Variants in CD300A observed in about 807,000 individuals in gnomAD.
The protein encoded by CD300A is CD300a molecule, also known as CMRF35-like molecule 8.
CD300A carries 22 observed loss-of-function variants against 33.6 expected under a neutral mutation model. That is an observed-to-expected ratio of 0.66 (90% CI 0.47 to 0.94). The LOEUF (loss-of-function observed/expected upper bound fraction) is 0.94. Among genes scored for constraint, CD300A ranks in the 40% least tolerant of loss-of-function variants. The probability of loss-of-function intolerance (pLI) is 0.00; values close to 1 mark genes in which losing one functional copy is unlikely to be tolerated. For missense variants in CD300A, 326 were observed against 360.5 expected, an observed-to-expected ratio of 0.90 and a Z score of 0.77; for synonymous variants, 136 against 148.1, an observed-to-expected ratio of 0.92 and a Z score of 0.59.
rs67018651 is a variant in CD300A, at chr17:74,480,738, CCTTT to C, written c.629-538_629-535del. On this transcript the variant is annotated intron_variant, in intron 4 of 6. Coordinates refer to ENST00000360141, the MANE Select transcript of CD300A (RefSeq NM_007261.4). The surrounding 1 kb of genome is among the most constrained non-coding windows in gnomAD (Gnocchi z 4.2). ...TCTCCTCCAGCTGGGAGCTTTCTTT[CCTTT>C]CTTTCTTTCTTTTTTTCGTTTTTGA... Among the ~76,000 whole-genome samples the C allele has an allele frequency of 0.34, 51,784 of 151,614 alleles. 9,385 individuals are homozygous for C. The highest frequency in any genetic ancestry group is 0.59 in the East Asian group (3,001 of 5,106).
chr17:74,466,894 A>G, intron 1 of CD300A, 151 bp downstream of exon 1: 1 of 1,490,278 alleles, frequency 6.7e-7, no homozygotes, highest in Non-Finnish European at 8.9e-7. Context: ...TAAGATGGAC[A>G]GATGAAGGTC....
Position 74,481,249 on chromosome 17 carries a change from G to A in CD300A, c.629-40G>A, listed in dbSNP as rs751126189. The A allele has an allele frequency of 1.9e-6, 3 of 1,607,464 alleles. No individual in the cohort carries two copies. The Admixed American group carries it at 5.0e-5, about 27-fold the overall frequency. ...TGTAAGGTCCTCCATCCTGGCCATTGTTCCGGGATTCAACCTCCTTCCTCT... is the reference window on the plus strand; with the variant it reads ...TGTAAGGTCCTCCATCCTGGCCATTATTCCGGGATTCAACCTCCTTCCTCT... On this transcript the variant is annotated intron_variant, in intron 4 of 6. Transcript: ENST00000360141.
chr17:74,476,692 G>A (rs560108168), intron 3 of CD300A, among the ~76,000 whole-genome samples: 20 of 152,152 alleles, frequency 1.3e-4, no homozygotes, highest in Non-Finnish European at 2.2e-4. Context: ...TATAAGCAAC[G>A]TTTACCATTG....
intron 1 of CD300A, chr17:74,470,248 T>C (rs1484994001): frequency 2.0e-6 from 2 of 984,696 alleles, no homozygotes; most frequent in Non-Finnish European, 2.4e-6. Context: ...TCCAGGTAAG[T>C]GGGGAAGTAA....
chr17:74,482,373 C>G (rs1335019490), intron 6 of CD300A, among the ~76,000 whole-genome samples: 2 of 151,754 alleles, frequency 1.3e-5, no homozygotes, highest in African/African-American at 2.4e-5. Context: ...CTTAAAGTGC[C>G]CCCAGGCCTG....
intron 6 of CD300A, among the ~76,000 whole-genome samples, chr17:74,483,694 T>C (rs9944466): frequency 0.25 from 37,251 of 151,976 alleles, 8,530 homozygotes; most frequent in African/African-American, 0.6. Flanking sequence ...AGAGGTGTCT[T>C]GGGGGAGCCC....
At chr17:74,469,212 T>A (rs2144501199) in intron 1 of CD300A, among the ~76,000 whole-genome samples, 1 of 152,102 alleles carries the variant, frequency 6.6e-6, no homozygotes, top group East Asian at 1.9e-4. Context: ...ATAACACTCA[T>A]CATTTTTGGT....
chr17:74,476,962 A>G (rs909480655), intron 3 of CD300A, among the ~76,000 whole-genome samples: 1 of 152,182 alleles, frequency 6.6e-6, no homozygotes, highest in Admixed American at 6.6e-5. Context: ...TCTTAAGAAC[A>G]GCACGTGTGT....
At chr17:74,470,118 G>GTAGA (rs1905996718) in intron 1 of CD300A, 3 of 985,256 alleles carry the variant, frequency 3.0e-6, no homozygotes, top group Non-Finnish European at 3.6e-6. Flanking sequence ...GAGGACCCTG[G>GTAGA]CCCCAAGGTG....
intron 1 of CD300A, among the ~76,000 whole-genome samples, chr17:74,468,985 G>C (rs1041741073): frequency 1.3e-5 from 2 of 152,132 alleles, no homozygotes; most frequent in African/African-American, 2.4e-5. Flanking sequence ...CAGCTATGAA[G>C]GAGGTGAACT....
At position 74,481,815 on chromosome 17, in the gene CD300A, G is replaced by A; in HGVS notation, c.756G>A (p.Glu252=). 1.9e-6 allele frequency: 3 copies of A among 1,611,744 alleles called. No homozygotes were observed. Among genetic ancestry groups the A allele is most frequent in the Middle Eastern group, 1.7e-4 (1 of 5,978 alleles). The change falls in exon 6 of 7, where the codon GAG becomes GAA. Residue 252 remains glutamate (E), a synonymous_variant. Coordinates refer to ENST00000360141, the MANE Select transcript of CD300A (RefSeq NM_007261.4). ...AGCCAGCACCACCAAGGGAGGTGGA[G>A]GTGGAATACAGCACTGTGGTAAGTG... ...QEKPAPPREV[E]VEYSTVASPR...
chr17:74,481,164 C>T, intron 4 of CD300A, 125 bp from the exon 5 acceptor site: 1 of 789,886 alleles, frequency 1.3e-6, no homozygotes, highest in Non-Finnish European at 2.2e-6. Context: ...ATGCTTCAGG[C>T]CTGAAGGGAT....
At chr17:74,474,424 C>A in intron 2 of CD300A, 108 bp from the exon 3 acceptor site, 2 of 1,135,450 alleles carry the variant, frequency 1.8e-6, no homozygotes, top group Non-Finnish European at 2.6e-6. Flanking sequence ...TGCATCCTGC[C>A]CCCTTCCTTA....
intron 6 of CD300A, among the ~76,000 whole-genome samples, chr17:74,482,716 TTCTTTC>T (rs1490663703): frequency 5.2e-5 from 7 of 134,958 alleles, no homozygotes; most frequent in Non-Finnish European, 1.0e-4. Flanking sequence ...CTTTCTTTCT[TTCTTTC>T]TTTCTTTCTT....
chr17:74,467,268 A>G (rs2144494665), intron 1 of CD300A, among the ~76,000 whole-genome samples: 1 of 151,850 alleles, frequency 6.6e-6, no homozygotes, highest in Non-Finnish European at 1.5e-5. Flanking sequence ...GCAGATCGAT[A>G]GTCTCTGGAA....
chr17:74,472,192 C>T (rs1807783782), intron 1 of CD300A, among the ~76,000 whole-genome samples: 1 of 151,582 alleles, frequency 6.6e-6, no homozygotes, highest in Non-Finnish European at 1.5e-5. Flanking sequence ...GAGCCGAGAT[C>T]CCGCCACTGC....
intron 4 of CD300A, among the ~76,000 whole-genome samples, chr17:74,478,133 G>C (rs1257913442): frequency 1.3e-5 from 2 of 152,112 alleles, no homozygotes; most frequent in African/African-American, 4.8e-5. Context: ...TTTGCTCTGG[G>C]CTGGAGGGCC....
chr17:74,469,885 G>A, intron 1 of CD300A: 4 of 807,276 alleles, frequency 5.0e-6, no homozygotes, highest in Non-Finnish European at 6.0e-6. Context: ...ATTTATTAAT[G>A]TATATACTAA....
rs146984765 is a variant in CD300A at position 74,482,697 on chromosome 17, C to CCTTTCTTTCTTTCTTT, written c.774+885_774+900dup. Among the ~76,000 whole-genome samples the CCTTTCTTTCTTTCTTT allele has an allele frequency of 1.8e-4, 23 of 130,132 alleles. 2 individuals carry two copies. Among genetic ancestry groups the CCTTTCTTTCTTTCTTT allele is most frequent in the African/African-American group, 5.0e-4 (13 of 26,130 alleles). 85.4% of individuals were successfully genotyped at this position (130,132 alleles called of 152,430 possible). Reference sequence around the variant, plus strand: ...GGCCAAGTTCCTTCCTTCCTTCCTTCCTTTCTTTCTTTCTTTCTTTCTTTC... The same window carrying CCTTTCTTTCTTTCTTT: ...GGCCAAGTTCCTTCCTTCCTTCCTTCCTTTCTTTCTTTCTTTCTTTCTTTCTTTCTTTCTTTCTTTC... On this transcript the variant is annotated intron_variant, in intron 6 of 6. Coordinates refer to ENST00000360141, the MANE Select transcript of CD300A (RefSeq NM_007261.4).
Sources: allele counts gnomAD v4.1 joint callset (sites outside exome capture counted in the v4.1 genomes callset), GRCh38; gene constraint gnomAD v4.1.1; non-coding constraint Gnocchi (gnomAD v3.1); transcripts MANE v1.5; gene names NCBI Gene and HGNC (gene_info 2026-07-23, HGNC 2026-07-21).